Variants in TFCP2 observed in about 807,000 individuals in gnomAD.
The protein encoded by TFCP2 is alpha-globin transcription factor CP2.
TFCP2 carries 33 observed loss-of-function variants against 73.4 expected under a neutral mutation model. That is an observed-to-expected ratio of 0.45 (90% CI 0.34 to 0.60). The LOEUF is 0.60. Among genes scored for constraint, TFCP2 ranks in the 20% least tolerant of loss-of-function variants. The pLI is 0.01. For synonymous variants in TFCP2, 193 were observed against 211.6 expected, an observed-to-expected ratio of 0.91 and a Z score of 0.76; for missense variants, 352 against 604.0, an observed-to-expected ratio of 0.58 and a Z score of 4.37.
At position 51,103,657 on chromosome 12, in the gene TFCP2, A is replaced by G; in HGVS notation, c.1060+13T>C. ...TTCATGCTAGGGAAAACAAAAGAAA[A>G]AGAAAATTTAACCTGAGAAGTTTGT... On this transcript the variant is annotated intron_variant, in intron 10 of 14. Transcript: ENST00000257915. 6.2e-7 allele frequency: 1 copy of G among 1,606,912 alleles called. No individual in the cohort carries two copies. The highest frequency in any genetic ancestry group is 1.1e-5 in the South Asian group (1 of 89,750).
chr12:51,157,676 C>CTTTTTTTTTTTTTT (rs1565578176), intron 1 of TFCP2, among the ~76,000 whole-genome samples: 1 of 112,708 alleles, frequency 8.9e-6, no homozygotes, highest in African/African-American at 3.3e-5. Context: ...TGAGTTTTTT[C>CTTTTTTTTTTTTTT]TTTTCTTTTC....
chr12:51,148,164 G>A (rs896584373), intron 1 of TFCP2, among the ~76,000 whole-genome samples: 1 of 152,068 alleles, frequency 6.6e-6, no homozygotes, highest in Non-Finnish European at 1.5e-5. Context: ...TGGTAAAAAG[G>A]GAACACTTTT....
At chr12:51,146,703 G>A (rs1029604433) in intron 1 of TFCP2, among the ~76,000 whole-genome samples, 1 of 152,096 alleles carries the variant, frequency 6.6e-6, no homozygotes, top group Non-Finnish European at 1.5e-5. Flanking sequence ...CACCTTTGCA[G>A]GGCCAAATCT....
chr12:51,136,253 G>A (rs1941058087), intron 1 of TFCP2, among the ~76,000 whole-genome samples: 1 of 149,644 alleles, frequency 6.7e-6, no homozygotes, highest in Admixed American at 6.7e-5. Flanking sequence ...AGGTTGCAGT[G>A]AGCTGAGATC....
At chr12:51,119,543 G>C (rs1402062560) in intron 1 of TFCP2, among the ~76,000 whole-genome samples, 1 of 152,042 alleles carries the variant, frequency 6.6e-6, no homozygotes, top group African/African-American at 2.4e-5. Context: ...CTGAGGTCCG[G>C]AGGTGGAAAC....
At chr12:51,159,398 C>T (rs912996790) in intron 1 of TFCP2, among the ~76,000 whole-genome samples, 1 of 151,386 alleles carries the variant, frequency 6.6e-6, no homozygotes, top group Non-Finnish European at 1.5e-5. Flanking sequence ...AGTGCAATGG[C>T]GTGATCTTGG....
At chr12:51,159,538 C>T (rs1452954778) in intron 1 of TFCP2, among the ~76,000 whole-genome samples, 1 of 151,918 alleles carries the variant, frequency 6.6e-6, no homozygotes, top group African/African-American at 2.4e-5. Context: ...GGGGTTTCAC[C>T]ACATTGGCGA....
intron 1 of TFCP2, among the ~76,000 whole-genome samples, chr12:51,146,692 C>G (rs1361673948): frequency 1.3e-5 from 2 of 152,178 alleles, no homozygotes; most frequent in African/African-American, 2.4e-5. Context: ...TATTTCTCCT[C>G]CACCTTTGCA....
intron 1 of TFCP2, among the ~76,000 whole-genome samples, chr12:51,143,131 C>G (rs2640527): frequency 0.74 from 112,937 of 151,650 alleles, 42,172 homozygotes; most frequent in Non-Finnish European, 0.78. Context: ...ATCTCATTAA[C>G]TCCCATACAT....
intron 1 of TFCP2, among the ~76,000 whole-genome samples, chr12:51,133,022 T>C (rs1027744087): frequency 6.6e-6 from 1 of 152,124 alleles, no homozygotes; most frequent in Non-Finnish European, 1.5e-5. Flanking sequence ...TGGTTTGTTA[T>C]GCAATAAGAT....
chr12:51,145,116 G>C (rs144603465), intron 1 of TFCP2, among the ~76,000 whole-genome samples: 4 of 150,302 alleles, frequency 2.7e-5, no homozygotes, highest in Admixed American at 2.0e-4. Flanking sequence ...CAGGAGAATC[G>C]CTTGAACCTG....
At chr12:51,109,854 G>T (rs1357471905) in intron 5 of TFCP2, among the ~76,000 whole-genome samples, 5 of 152,046 alleles carry the variant, frequency 3.3e-5, no homozygotes, top group Middle Eastern at 6.3e-3. Context: ...AAATAGCTGG[G>T]ATTACAGGCA....
intron 2 of TFCP2, among the ~76,000 whole-genome samples, chr12:51,118,286 G>A (rs1050336531): frequency 6.6e-6 from 1 of 152,310 alleles, no homozygotes; most frequent in East Asian, 1.9e-4. Flanking sequence ...CGGGCACGGT[G>A]GCTCACGCCT....
At chr12:51,121,739 T>C (rs1330930739) in intron 1 of TFCP2, among the ~76,000 whole-genome samples, 1 of 152,040 alleles carries the variant, frequency 6.6e-6, no homozygotes, top group Non-Finnish European at 1.5e-5. Flanking sequence ...GTACTATGAT[T>C]ATAGGCATGA....
intron 6 of TFCP2, among the ~76,000 whole-genome samples, chr12:51,108,632 G>A (rs762767804): frequency 1.1e-4 from 17 of 152,022 alleles, no homozygotes; most frequent in Non-Finnish European, 2.1e-4. Flanking sequence ...AAATTAGCCC[G>A]GTGTGGTGGC....
At chr12:51,141,976 G>A (rs1200323419) in intron 1 of TFCP2, among the ~76,000 whole-genome samples, 6 of 150,698 alleles carry the variant, frequency 4.0e-5, no homozygotes, top group East Asian at 2.0e-4. Flanking sequence ...AGGCCGAGGC[G>A]GGTGGATCAC....
chr12:51,098,875 C>A lies in TFCP2; in HGVS notation c.1320G>T (p.Leu440Phe), dbSNP rs771495188. ...IYLEELTAVE[L>F]TEKIAQLFSI... ...TGAAAAGCTGAGCAATTTTTTCTGT[C>A]AATTCAACAGCTGTTAGTTCTTCTA... is the stretch of plus-strand genomic sequence containing the variant. Residue 440 changes from leucine (L) to phenylalanine (F), a missense_variant, in exon 13 of 15, where the codon TTG becomes TTT. Coordinates refer to ENST00000257915, the MANE Select transcript of TFCP2 (RefSeq NM_005653.5). 3.7e-6 allele frequency: 6 copies of A among 1,614,072 alleles called. No individual in the cohort carries two copies. In the South Asian group the frequency reaches 6.6e-5, roughly 18 times the overall value.
chr12:51,098,577 G>C (rs1940025711), intron 13 of TFCP2, among the ~76,000 whole-genome samples, 199 bp downstream of exon 13: 1 of 151,792 alleles, frequency 6.6e-6, no homozygotes. Flanking sequence ...AGTGACCTGA[G>C]ATTGGGCCAC....
At position 51,147,292 on chromosome 12, in the gene TFCP2, G is replaced by A. The variant is rs575429554; in HGVS notation, c.122+25009C>T. Among the ~76,000 whole-genome samples, 7 of 151,884 alleles carry A rather than the reference G, an allele frequency of 4.6e-5. No individual in the cohort carries two copies. The South Asian group carries it at 8.3e-4, about 18-fold the overall frequency. ...CAGGAGGCAGAGGTTGTAGTGAGCC[G>A]AGATTGCGCCACTGCACTCCAGCCT... On this transcript the variant is annotated intron_variant, in intron 1 of 14. Coordinates refer to ENST00000257915, the MANE Select transcript of TFCP2 (RefSeq NM_005653.5).
Sources: gnomAD v4.1 joint callset for allele counts (sites outside exome capture counted in the v4.1 genomes callset) on GRCh38, gnomAD v4.1.1 for gene constraint, MANE v1.5 for transcripts, NCBI Gene and HGNC (gene_info 2026-07-23, HGNC 2026-07-21) for gene names.